CATIP: variants seen among roughly 807,000 people sequenced by gnomAD.
CATIP encodes the protein ciliogenesis associated TTC17 interacting protein.
CATIP carries 40 observed loss-of-function variants against 42.5 expected under a neutral mutation model. The ratio of observed to expected loss-of-function variants is 0.94; its 90% CI spans 0.73 to 1.22. The LOEUF (loss-of-function observed/expected upper bound fraction) is 1.22. Among genes scored for constraint, CATIP ranks in the 50% most tolerant of loss-of-function variants. The pLI is 0.00. For missense variants in CATIP, 489 were observed against 496.0 expected (o/e 0.99, Z 0.13); for synonymous variants, 222 against 200.2 (o/e 1.11, Z -0.92).
chr2:218,358,795 G>T (rs1038010171), intron 4 of CATIP, among the ~76,000 whole-genome samples: 5 of 148,584 alleles, frequency 3.4e-5, no homozygotes, highest in African/African-American at 1.2e-4. Context: ...GAGGTGGAAG[G>T]TTCAGCGGAG....
chr2:218,359,341 C>CAAAAAAAAAAAAAAAAAAAAAAAAAAA (rs140677940), intron 4 of CATIP, among the ~76,000 whole-genome samples: 1 of 79,712 alleles, frequency 1.3e-5, no homozygotes, highest in African/African-American at 5.2e-5. Flanking sequence ...GACTCTGTCT[C>CAAAAAAAAAAAAAAAAAAAAAAAAAAA]AAAAAAAAAA....
At chr2:218,367,634 C>A in intron 9 of CATIP, 88 bp from the exon 10 acceptor site, 1 of 1,589,416 alleles carries the variant, frequency 6.3e-7, no homozygotes, top group Admixed American at 1.8e-5. Context: ...GCTCCAGCGC[C>A]CCTTAGCTCT....
Position 218,362,262 on chromosome 2 carries a change from A to G in CATIP, c.463-473A>G, listed in dbSNP as rs528096390. Among the ~76,000 whole-genome samples the G allele has an allele frequency of 2.6e-5, 4 of 152,018 alleles. No homozygotes were observed. In the East Asian group the frequency reaches 7.7e-4, roughly 29 times the overall value. ...CAGCTACTCAGGAGGCTGAGGCAGGAAAGTCGCTTGAACCTGGGAGCTGGA... is the reference window on the plus strand; with the variant it reads ...CAGCTACTCAGGAGGCTGAGGCAGGGAAGTCGCTTGAACCTGGGAGCTGGA... On this transcript the variant is annotated intron_variant, in intron 5 of 9. Transcript: ENST00000289388.
intron 7 of CATIP, among the ~76,000 whole-genome samples, chr2:218,365,339 A>G (rs1356767740): frequency 6.6e-6 from 1 of 151,856 alleles, no homozygotes; most frequent in East Asian, 1.9e-4. Flanking sequence ...GCGTGAACCC[A>G]GGAGGCAGAG....
chr2:218,363,045 G>C (rs762969524), intron 6 of CATIP, 143 bp downstream of exon 6: 14 of 744,800 alleles, frequency 1.9e-5, no homozygotes, highest in Non-Finnish European at 2.8e-5. Context: ...GGGCTTTCAA[G>C]GGCAGGAAAG....
At chr2:218,359,065 G>A (rs773811661) in intron 4 of CATIP, among the ~76,000 whole-genome samples, 3 of 151,696 alleles carry the variant, frequency 2.0e-5, no homozygotes, top group South Asian at 2.1e-4. Context: ...TTAGCCGGGC[G>A]CAGTGGCTCA....
intron 2 of CATIP, 43 bp downstream of exon 2, chr2:218,357,230 C>A: frequency 7.3e-7 from 1 of 1,374,872 alleles, no homozygotes; most frequent in Non-Finnish European, 1.0e-6. Flanking sequence ...GGGAGGGGTG[C>A]AAGTCTGGAG....
At chr2:218,367,127 G>C in intron 8 of CATIP, 27 bp downstream of exon 8, 5 of 1,576,574 alleles carry the variant, frequency 3.2e-6, no homozygotes, top group Non-Finnish European at 4.4e-6. Flanking sequence ...CCTTGTGCAG[G>C]CAGGGAGAGT....
At chr2:218,366,610 G>A (rs1574745402) in intron 7 of CATIP, 1 of 254,974 alleles carries the variant, frequency 3.9e-6, no homozygotes, top group Admixed American at 5.1e-5. Context: ...CTCTCAAGGG[G>A]CACTGTCATG....
At chr2:218,361,288 G>C (rs568640742) in intron 5 of CATIP, among the ~76,000 whole-genome samples, 1 of 151,834 alleles carries the variant, frequency 6.6e-6, no homozygotes, top group Non-Finnish European at 1.5e-5. Flanking sequence ...GCAGGAGAAC[G>C]GCGTGAACCC....
chr2:218,364,579 T>TG, intron 6 of CATIP, 49 bp from the exon 7 acceptor site: 2 of 1,604,534 alleles, frequency 1.2e-6, no homozygotes. Context: ...GGGGAGCCCT[T>TG]GGCGGGCATC....
intron 2 of CATIP, 45 bp from the exon 3 acceptor site, chr2:218,357,489 C>T: frequency 6.5e-7 from 1 of 1,541,616 alleles, no homozygotes; most frequent in Non-Finnish European, 8.9e-7. Context: ...GGATTGGGGC[C>T]CAGGAGCAGG....
At chr2:218,361,546 C>T (rs944235436) in intron 5 of CATIP, among the ~76,000 whole-genome samples, 1 of 152,138 alleles carries the variant, frequency 6.6e-6, no homozygotes, top group African/African-American at 2.4e-5. Flanking sequence ...TCACTTATGC[C>T]TTACTCTGGC....
At chr2:218,366,806 G>C in intron 7 of CATIP, 1 of 556,560 alleles carries the variant, frequency 1.8e-6, no homozygotes, top group East Asian at 3.3e-5. Context: ...TTTCTTCCGT[G>C]CATGAGTGAA....
intron 9 of CATIP, 92 bp downstream of exon 9, chr2:218,367,610 G>A (rs2106320593): frequency 6.3e-7 from 1 of 1,598,836 alleles, no homozygotes; most frequent in South Asian, 1.1e-5. Flanking sequence ...ATGCACACCC[G>A]TAGGGGCTAG....
Position 218,368,041 on chromosome 2 carries a change from G to A in CATIP, c.*77G>A. On this transcript the variant is annotated 3_prime_UTR_variant, in exon 10 of 10. Transcript: ENST00000289388. ...GGGCGGGACGCGCCGGGGCGGGTGC[G>A]CTTTCCGGGCTGCGGTTTTGGGGGA... 7.0e-7 allele frequency: 1 copy of A among 1,423,962 alleles called. No individual in the cohort carries two copies. The highest frequency in any genetic ancestry group is 9.2e-7 in the Non-Finnish European group (1 of 1,091,930). The allele number at this position is 1,423,962 out of a possible 1,614,324, so 88.2% of individuals were successfully genotyped here. A position where few individuals can be genotyped will look rare whatever the true frequency, so the allele number is the denominator to read the frequency against.
At chr2:218,362,627 C>G in intron 5 of CATIP, 108 bp from the exon 6 acceptor site, 1 of 1,119,978 alleles carries the variant, frequency 8.9e-7, no homozygotes, top group Non-Finnish European at 1.3e-6. Context: ...AAGCGAAACT[C>G]TGTCTCAAAA....
intron 2 of CATIP, 49 bp downstream of exon 2, chr2:218,357,236 T>A: frequency 7.7e-7 from 1 of 1,298,844 alleles, no homozygotes; most frequent in Non-Finnish European, 1.1e-6. Context: ...GGTGCAAGTC[T>A]GGAGAGGAGG....
intron 6 of CATIP, 89 bp from the exon 7 acceptor site, chr2:218,364,539 G>A: frequency 1.3e-6 from 2 of 1,527,228 alleles, no homozygotes; most frequent in Non-Finnish European, 1.8e-6. Context: ...AGGTTGTTAT[G>A]AGATGGAGAA....
Sources: gnomAD v4.1 joint callset for allele counts (sites outside exome capture counted in the v4.1 genomes callset) on GRCh38, gnomAD v4.1.1 for gene constraint, MANE v1.5 for transcripts, NCBI Gene and HGNC (gene_info 2026-07-23, HGNC 2026-07-21) for gene names.